Variants in NUAK1 observed in about 807,000 individuals in gnomAD.
NUAK1 encodes NUAK family kinase 1.
NUAK1 carries 26 observed loss-of-function variants against 56.9 expected under a neutral mutation model. That is an observed-to-expected ratio of 0.46 (90% CI 0.33 to 0.63). NUAK1 has a LOEUF of 0.63. Ranked by LOEUF, NUAK1 falls within the 30% of genes least tolerant of loss-of-function variation. The pLI is 0.02. For synonymous variants in NUAK1, 337 were observed against 336.0 expected (o/e 1.00, Z -0.03); for missense variants, 727 against 876.1 (o/e 0.83, Z 2.15).
chr12:106,117,250 A>G (rs1334387048), intron 1 of NUAK1, among the ~76,000 whole-genome samples: 2 of 152,236 alleles, frequency 1.3e-5, no homozygotes, highest in African/African-American at 4.8e-5. Flanking sequence ...TAAGGTTTCA[A>G]GAACCATCCC....
chr12:106,074,105 G>A (rs146825336), intron 4 of NUAK1, among the ~76,000 whole-genome samples: 1 of 152,078 alleles, frequency 6.6e-6, no homozygotes, highest in African/African-American at 2.4e-5. Flanking sequence ...AGTTTCCTGA[G>A]GCAGTTGGCA....
chr12:106,075,509 T>C (rs1002028032), intron 4 of NUAK1, among the ~76,000 whole-genome samples: 5 of 152,170 alleles, frequency 3.3e-5, no homozygotes, highest in Admixed American at 6.5e-5. Flanking sequence ...ATCCCTACTG[T>C]GTCATGGTGG....
chr12:106,083,923 C>T lies in NUAK1; in HGVS notation c.520G>A (p.Val174Met), dbSNP rs765570986. The T allele has an allele frequency of 6.2e-7, 1 of 1,613,954 alleles. No individual in the cohort carries two copies. The highest frequency in any genetic ancestry group is 1.1e-5 in the South Asian group (1 of 91,076). Residue 174 changes from valine (V) to methionine (M), a missense_variant, in exon 4 of 7, where the codon GTG becomes ATG. Coordinates refer to ENST00000261402, the MANE Select transcript of NUAK1 (RefSeq NM_014840.3). ...SAVHYCHKNG[V>M]VHRDLKLENI... ...TCCAGCTTCAAGTCCCGGTGGACCA[C>T]ACCGTTCTGAAATGAGAAGACAAAG... is the stretch of plus-strand genomic sequence containing the variant.
chr12:106,133,501 T>C (rs781304395), intron 1 of NUAK1, among the ~76,000 whole-genome samples: 3 of 152,044 alleles, frequency 2.0e-5, no homozygotes, highest in Non-Finnish European at 4.4e-5. Context: ...ACAAACTCCA[T>C]CCAAACAAAC....
chr12:106,129,042 G>T (rs748975541), intron 1 of NUAK1, among the ~76,000 whole-genome samples: 3 of 152,374 alleles, frequency 2.0e-5, no homozygotes, highest in Middle Eastern at 3.4e-3. Context: ...GGGCTTCTCA[G>T]ATGGAGGGCT....
intron 1 of NUAK1, among the ~76,000 whole-genome samples, chr12:106,110,127 G>A (rs1297928057): frequency 6.6e-6 from 1 of 152,162 alleles, no homozygotes; most frequent in Non-Finnish European, 1.5e-5. Context: ...CCAGACAGGA[G>A]GATGAACATC....
At chr12:106,070,326 A>C (rs1392001797) in intron 6 of NUAK1, among the ~76,000 whole-genome samples, 1 of 152,214 alleles carries the variant, frequency 6.6e-6, no homozygotes, top group Non-Finnish European at 1.5e-5. Context: ...TTACACAGAA[A>C]TCAATAATGA....
intron 2 of NUAK1, among the ~76,000 whole-genome samples, chr12:106,093,310 A>G (rs1376578213): frequency 6.6e-6 from 1 of 152,196 alleles, no homozygotes; most frequent in Non-Finnish European, 1.5e-5. Flanking sequence ...CCTTCTTCCC[A>G]GACACCAACT....
chr12:106,105,199 C>T (rs1276563419), intron 2 of NUAK1, among the ~76,000 whole-genome samples: 1 of 152,110 alleles, frequency 6.6e-6, no homozygotes, highest in African/African-American at 2.4e-5. Flanking sequence ...GCCACCTGCC[C>T]ACCTCAGCCT....
chr12:106,110,012 C>G (rs190225391), intron 1 of NUAK1, among the ~76,000 whole-genome samples: 176 of 152,248 alleles, frequency 1.2e-3, no homozygotes, highest in African/African-American at 4.1e-3. Context: ...ACATAAAGGA[C>G]AAGAGCATCT....
chr12:106,123,558 G>A (rs548945113), intron 1 of NUAK1, among the ~76,000 whole-genome samples: 1 of 152,348 alleles, frequency 6.6e-6, no homozygotes, highest in Non-Finnish European at 1.5e-5. Flanking sequence ...CATGAGCTAT[G>A]AGGAGGGGAA....
chr12:106,083,735 T>C (rs1424556826), intron 4 of NUAK1, 129 bp downstream of exon 4: 2 of 743,372 alleles, frequency 2.7e-6, no homozygotes, highest in Non-Finnish European at 4.7e-6. Context: ...GCAAAGAGAC[T>C]CTTCCCCACC....
intron 2 of NUAK1, among the ~76,000 whole-genome samples, chr12:106,099,022 T>C (rs1188038985): frequency 6.6e-6 from 1 of 152,188 alleles, no homozygotes; most frequent in East Asian, 1.9e-4. Flanking sequence ...TTCTTTCTTT[T>C]CTCTTGATTA....
rs1034665622 is a variant in NUAK1 at position 106,138,835 on chromosome 12, C to A, written c.-182G>T. The A allele has an allele frequency of 1.0e-5, 8 of 767,574 alleles. No individual in the cohort carries two copies. The highest frequency in any genetic ancestry group is 1.3e-5 in the Non-Finnish European group (7 of 550,720). 47.5% of individuals were successfully genotyped at this position (767,574 alleles called of 1,614,324 possible). On this transcript the variant is annotated 5_prime_UTR_variant, in exon 1 of 7. Transcript: ENST00000261402. This position sits in a 1 kb window ranked among gnomAD's most constrained non-coding sequence, Gnocchi z 5.0. ...GCGGCGGCGGGGACTGCACATCTGGCGCCCGCGGCGCGCACGGTCCGCGCA... is the reference window on the plus strand; with the variant it reads ...GCGGCGGCGGGGACTGCACATCTGGAGCCCGCGGCGCGCACGGTCCGCGCA...
intron 1 of NUAK1, among the ~76,000 whole-genome samples, chr12:106,124,198 G>T (rs1325631446): frequency 6.6e-6 from 1 of 152,170 alleles, no homozygotes; most frequent in Non-Finnish European, 1.5e-5. Flanking sequence ...AATCCTGCCT[G>T]ATTCCCTAAT....
At chr12:106,128,603 C>T (rs773187032) in intron 1 of NUAK1, among the ~76,000 whole-genome samples, 1 of 152,206 alleles carries the variant, frequency 6.6e-6, no homozygotes, top group Non-Finnish European at 1.5e-5. Context: ...AATCAAGCAC[C>T]TTTGTGGCCC....
intron 1 of NUAK1, among the ~76,000 whole-genome samples, chr12:106,112,598 C>G (rs1020834077): frequency 6.6e-6 from 1 of 152,180 alleles, no homozygotes; most frequent in Non-Finnish European, 1.5e-5. Flanking sequence ...CAACTCAGAA[C>G]AACACCCCAG....
At chr12:106,093,974 ATTT>A (rs112037631) in intron 2 of NUAK1, among the ~76,000 whole-genome samples, 1 of 148,572 alleles carries the variant, frequency 6.7e-6, no homozygotes, top group Non-Finnish European at 1.5e-5. Flanking sequence ...AATCTTTGTA[ATTT>A]TTTTTTTTCT....
chr12:106,081,814 A>G (rs995187804), intron 4 of NUAK1, among the ~76,000 whole-genome samples: 3 of 152,228 alleles, frequency 2.0e-5, no homozygotes, highest in African/African-American at 7.2e-5. Flanking sequence ...AGAGGCTTAC[A>G]TTCCAGGCCT....
Sources: allele counts gnomAD v4.1 joint callset (sites outside exome capture counted in the v4.1 genomes callset), GRCh38; gene constraint gnomAD v4.1.1; non-coding constraint Gnocchi (gnomAD v3.1); transcripts MANE v1.5; gene names NCBI Gene and HGNC (gene_info 2026-07-23, HGNC 2026-07-21).